The following B4GALNT3 variants were observed in gnomAD, a reference collection of about 807,000 sequenced individuals.
B4GALNT3 encodes beta-1,4-N-acetylgalactosaminyltransferase 3.
Under a neutral mutation model 120.2 loss-of-function variants are expected in B4GALNT3, and 86 were observed. The ratio of observed to expected loss-of-function variants is 0.72; its 90% CI spans 0.60 to 0.86. The LOEUF is 0.86. B4GALNT3 is among the 40% of genes least tolerant of loss of function. The pLI, the probability that B4GALNT3 is intolerant of heterozygous loss-of-function variation, is 0.00. For missense variants in B4GALNT3, 1,167 were observed against 1,298.9 expected (o/e 0.90, Z 1.56); for synonymous variants, 518 against 510.4 (o/e 1.01, Z -0.20).
intron 1 of B4GALNT3, among the ~76,000 whole-genome samples, chr12:478,653 G>A (rs2120462822): frequency 6.6e-6 from 1 of 152,292 alleles, no homozygotes; most frequent in African/African-American, 2.4e-5. Flanking sequence ...CCTTAAGAAA[G>A]GGTTTTTCTA....
At chr12:546,203 A>G (rs111619499) in intron 6 of B4GALNT3, among the ~76,000 whole-genome samples, 49,281 of 101,270 alleles carry the variant, frequency 0.49, 11,244 homozygotes, top group Middle Eastern at 0.55. Flanking sequence ...AGGGGGTGTG[A>G]GAGGAGGGAG....
At chr12:467,780 G>A (rs1235690512) in intron 1 of B4GALNT3, among the ~76,000 whole-genome samples, 1 of 152,164 alleles carries the variant, frequency 6.6e-6, no homozygotes, top group African/African-American at 2.4e-5. Flanking sequence ...ACCCTGCCAG[G>A]GTGGAGTTGA....
At chr12:555,828 A>G (rs1036428786) in intron 14 of B4GALNT3, among the ~76,000 whole-genome samples, 4 of 151,706 alleles carry the variant, frequency 2.6e-5, no homozygotes, top group South Asian at 4.2e-4. Flanking sequence ...TCTGTCGCCC[A>G]GGCTGGAGTG....
chr12:534,166 G>A (rs1946835395), intron 1 of B4GALNT3, among the ~76,000 whole-genome samples: 2 of 152,344 alleles, frequency 1.3e-5, no homozygotes, highest in South Asian at 4.1e-4. Context: ...TCTTAGCCTT[G>A]CCACTACTTG....
intron 1 of B4GALNT3, among the ~76,000 whole-genome samples, chr12:479,631 C>T (rs1444231417): frequency 6.6e-6 from 1 of 152,082 alleles, no homozygotes; most frequent in Non-Finnish European, 1.5e-5. Context: ...AGAATGATAC[C>T]TGGGAAGAAA....
At chr12:546,766 C>A in intron 7 of B4GALNT3, 53 bp downstream of exon 7, 1 of 1,501,844 alleles carries the variant, frequency 6.7e-7, no homozygotes, top group Non-Finnish European at 9.1e-7. Context: ...TCGGTGGAGC[C>A]CGGCTGCGCC....
chr12:494,174 G>A (rs1293455521), intron 1 of B4GALNT3, among the ~76,000 whole-genome samples: 9 of 152,010 alleles, frequency 5.9e-5, no homozygotes, highest in African/African-American at 1.5e-4. Context: ...GGAGGCTGAG[G>A]TGGGGAGGTG....
intron 1 of B4GALNT3, among the ~76,000 whole-genome samples, chr12:469,643 A>G (rs1325112683): frequency 1.3e-5 from 2 of 151,970 alleles, no homozygotes; most frequent in Non-Finnish European, 2.9e-5. Context: ...CCAGGTTAGG[A>G]GTCAAGGATT....
Position 556,862 on chromosome 12 carries a change from G to T in B4GALNT3, c.2376G>T (p.Val792=), listed in dbSNP as rs1183298366. The change falls in exon 15 of 20, where the codon GTG becomes GTT. Residue 792 remains valine (V), a synonymous_variant. Transcript: ENST00000266383. ...ACCGAGCCGTGGTCCACTTCGTCGT[G>T]CCTGGTGAGCCTCAAGCTGAGCCTC... ...WSHRAVVHFV[V]PVKNQARWVQ... 2.5e-6 allele frequency: 4 copies of T among 1,600,946 alleles called. No individual in the cohort carries two copies. The African/African-American group carries it at 5.4e-5, about 21-fold the overall frequency.
intron 14 of B4GALNT3, among the ~76,000 whole-genome samples, chr12:555,845 C>T (rs919234115): frequency 4.6e-5 from 7 of 151,688 alleles, no homozygotes; most frequent in East Asian, 3.9e-4. Flanking sequence ...AGTGCAGTGG[C>T]GCGATCTCGA....
At chr12:503,521 C>T (rs762519182) in intron 1 of B4GALNT3, among the ~76,000 whole-genome samples, 1 of 152,212 alleles carries the variant, frequency 6.6e-6, no homozygotes, top group Non-Finnish European at 1.5e-5. Context: ...CTCAGGCTCA[C>T]TGCTCACGCC....
intron 1 of B4GALNT3, among the ~76,000 whole-genome samples, chr12:508,530 C>G (rs2120563093): frequency 6.6e-6 from 1 of 152,302 alleles, no homozygotes; most frequent in South Asian, 2.1e-4. Context: ...AATAAAACAG[C>G]TTTTTAATGT....
Position 544,346 on chromosome 12 carries a change from G to A in B4GALNT3, c.359G>A (p.Gly120Asp), listed in dbSNP as rs759699324. Residue 120 changes from glycine (G) to aspartate (D), a missense_variant, in exon 4 of 20, where the codon GGC becomes GAC. Transcript: ENST00000266383. ...GGCGTCTCCGCCCTGCAGTTCCGGG[G>A]CCGTGCCAACCTGCATGTGTTTGAA... Reference protein sequence around the residue: ...KPVPWLSEFRGRANLHVFEDW... With the variant: ...KPVPWLSEFRDRANLHVFEDW... 15 of 1,613,360 alleles carry A rather than the reference G, an allele frequency of 9.3e-6. No homozygotes were observed. The highest frequency in any genetic ancestry group is 1.7e-5 in the Admixed American group (1 of 59,986).
At chr12:508,142 C>T (rs7306778) in intron 1 of B4GALNT3, among the ~76,000 whole-genome samples, 20,224 of 152,304 alleles carry the variant, frequency 0.13, 1,631 homozygotes, top group South Asian at 0.21. Context: ...CTGTCTTTTC[C>T]GCTGGCCCTG....
intron 1 of B4GALNT3, among the ~76,000 whole-genome samples, chr12:504,041 G>A (rs910682457): frequency 5.5e-4 from 84 of 151,970 alleles, no homozygotes; most frequent in African/African-American, 2.0e-3. Context: ...CTTGAACCTC[G>A]GAGACAGAGG....
At chr12:525,278 T>G (rs1404160095) in intron 1 of B4GALNT3, among the ~76,000 whole-genome samples, 1 of 152,016 alleles carries the variant, frequency 6.6e-6, no homozygotes, top group Non-Finnish European at 1.5e-5. Context: ...CCCACTAATT[T>G]TTGTATTTTT....
chr12:495,213 A>G (rs374565623), intron 1 of B4GALNT3, among the ~76,000 whole-genome samples: 2 of 152,198 alleles, frequency 1.3e-5, no homozygotes, highest in East Asian at 3.8e-4. Flanking sequence ...CCAGGATTTG[A>G]AACCAGGTCT....
At chr12:531,449 G>A (rs1475903000) in intron 1 of B4GALNT3, among the ~76,000 whole-genome samples, 1 of 152,054 alleles carries the variant, frequency 6.6e-6, no homozygotes, top group Admixed American at 6.6e-5. Flanking sequence ...AGGAGTTCAA[G>A]ACCAACCTGG....
At chr12:509,606 C>A (rs1019256776) in intron 1 of B4GALNT3, among the ~76,000 whole-genome samples, 2 of 152,098 alleles carry the variant, frequency 1.3e-5, no homozygotes, top group South Asian at 4.2e-4. Flanking sequence ...TACACAAAGC[C>A]GGAAATGCCT....
Sources: gnomAD v4.1 joint callset for allele counts (sites outside exome capture counted in the v4.1 genomes callset) on GRCh38, gnomAD v4.1.1 for gene constraint, MANE v1.5 for transcripts, NCBI Gene and HGNC (gene_info 2026-07-23, HGNC 2026-07-21) for gene names.